The following BMP1 variants were observed in gnomAD, a reference collection of about 807,000 sequenced individuals.
The protein encoded by BMP1 is bone morphogenetic protein 1.
BMP1 carries 63 observed loss-of-function variants against 116.8 expected under a neutral mutation model. That is an observed-to-expected ratio of 0.54 (90% confidence interval 0.44 to 0.67). BMP1 has a LOEUF of 0.67. Among genes scored for constraint, BMP1 ranks in the 30% least tolerant of loss-of-function variants. The probability of loss-of-function intolerance (pLI) is 0.00; values close to 1 mark genes in which losing one functional copy is unlikely to be tolerated. For synonymous variants in BMP1, 536 were observed against 533.4 expected, an observed-to-expected ratio of 1.00 and a Z score of -0.07; for missense variants, 1,183 against 1,358.9, an observed-to-expected ratio of 0.87 and a Z score of 2.04.
chr8:22,199,436 C>A (rs762399025), intron 15 of BMP1: 47 of 1,227,664 alleles, frequency 3.8e-5, no homozygotes, highest in Non-Finnish European at 4.9e-5. Context: ...CTCCACCCCA[C>A]CCCCCTGCAA....
intron 8 of BMP1, among the ~76,000 whole-genome samples, chr8:22,191,675 A>C (rs1586457373): frequency 6.6e-6 from 1 of 151,978 alleles, no homozygotes; most frequent in African/African-American, 2.4e-5. Context: ...TCCTCTTGGG[A>C]CCCTTCGTCG....
intron 1 of BMP1, among the ~76,000 whole-genome samples, chr8:22,168,517 G>C (rs546762749): frequency 6.6e-6 from 1 of 152,264 alleles, no homozygotes; most frequent in South Asian, 2.1e-4. Context: ...GTGACCCTGT[G>C]CCAGTGAGGC....
At chr8:22,211,239 C>T (rs1829457665) in intron 19 of BMP1, among the ~76,000 whole-genome samples, 1 of 152,218 alleles carries the variant, frequency 6.6e-6, no homozygotes, top group Admixed American at 6.5e-5. Flanking sequence ...TCGGTGCAGT[C>T]CTTTGTTTTT....
rs748207328 is a variant in BMP1 at position 22,209,427 on chromosome 8, C to A, written c.2576-18C>A. 1 of 1,612,090 alleles carries A rather than the reference C, an allele frequency of 6.2e-7. No homozygotes were observed. Among genetic ancestry groups the A allele is most frequent in the East Asian group, 2.2e-5 (1 of 44,818 alleles). On this transcript the variant is annotated intron_variant, in intron 18 of 19. Transcript: ENST00000306385. ...CCTGCGGTGCTCAGGGCTGGTTGGC[C>A]CCTCTTGTCCCCTACAGAGTGCGGG...
In BMP1 at chr8:22,211,742, A is replaced by T; in HGVS notation, c.*14A>T. The T allele has an allele frequency of 1.9e-6, 3 of 1,614,104 alleles. No individual in the cohort carries two copies. The highest frequency in any genetic ancestry group is 1.6e-4 in the Middle Eastern group (1 of 6,062). On this transcript the variant is annotated 3_prime_UTR_variant, in exon 20 of 20. Coordinates refer to ENST00000306385, the MANE Select transcript of BMP1 (RefSeq NM_006129.5). ...AGCAGGAAGTGACCACTGCCTGAGC[A>T]GGGGCGGGGACTGGAGCCTGCTGCC...
At chr8:22,192,252 G>A (rs1244261970) in intron 9 of BMP1, 101 bp downstream of exon 9, 3 of 1,038,016 alleles carry the variant, frequency 2.9e-6, no homozygotes, top group South Asian at 2.8e-5. Context: ...CACTGGCCAG[G>A]GATGACAACC....
chr8:22,197,234 C>G lies in BMP1; in HGVS notation c.1927-6C>G, dbSNP rs762166050. ...GAGGCGGGCCTGGAGCTGGGCTTCC[C>G]TGCAGGTGTGCAAGTACGACTTCGT... On this transcript the variant is annotated splice_polypyrimidine_tract_variant and splice_region_variant and intron_variant, in intron 14 of 19. Coordinates refer to ENST00000306385, the MANE Select transcript of BMP1 (RefSeq NM_006129.5). 6.2e-7 allele frequency: 1 copy of G among 1,606,098 alleles called. No homozygotes were observed. Among genetic ancestry groups the G allele is most frequent in the Non-Finnish European group, 8.5e-7 (1 of 1,173,388 alleles).
chr8:22,170,343 G>A (rs1828241426), intron 1 of BMP1: 1 of 152,492 alleles, frequency 6.6e-6, no homozygotes. Flanking sequence ...GGGTTGTGTT[G>A]GGATAATATT....
chr8:22,191,397 T>A (rs556300142), intron 8 of BMP1, among the ~76,000 whole-genome samples: 1 of 152,258 alleles, frequency 6.6e-6, no homozygotes, highest in Non-Finnish European at 1.5e-5. Context: ...AGATCTGGTG[T>A]CCTTTCAGCA....
chr8:22,171,559 G>C (rs1828277644), intron 1 of BMP1: 2 of 152,248 alleles, frequency 1.3e-5, no homozygotes, highest in Non-Finnish European at 2.9e-5. Context: ...AACCGTGTGT[G>C]ACTGTGTGTG....
chr8:22,166,238 A>ACC (rs200007567), intron 1 of BMP1, among the ~76,000 whole-genome samples: 5 of 151,566 alleles, frequency 3.3e-5, no homozygotes, highest in African/African-American at 9.7e-5. Flanking sequence ...GTGCCCAGAG[A>ACC]CCCCCGCCAA....
intron 1 of BMP1, among the ~76,000 whole-genome samples, chr8:22,169,045 C>G (rs920861445): frequency 6.6e-6 from 1 of 151,942 alleles, no homozygotes; most frequent in Admixed American, 6.6e-5. Flanking sequence ...GTCATGCACC[C>G]GTAGTCCCAG....
At chr8:22,197,827 G>A (rs1200953731) in intron 15 of BMP1, among the ~76,000 whole-genome samples, 3 of 152,172 alleles carry the variant, frequency 2.0e-5, no homozygotes, top group Non-Finnish European at 2.9e-5. Context: ...CAGAGTCTCT[G>A]GCAGTGGCGG....
At chr8:22,208,137 G>T (rs1829398929) in intron 18 of BMP1, among the ~76,000 whole-genome samples, 1 of 152,188 alleles carries the variant, frequency 6.6e-6, no homozygotes, top group African/African-American at 2.4e-5. Context: ...GCCCGCCTTG[G>T]CCTCCCAAAG....
At chr8:22,176,410 C>A in intron 3 of BMP1, 97 bp downstream of exon 3, 1 of 1,544,800 alleles carries the variant, frequency 6.5e-7, no homozygotes, top group Non-Finnish European at 8.8e-7. Context: ...CCACCTGCAG[C>A]CCGAGTGCCC....
intron 9 of BMP1, chr8:22,192,469 G>A (rs1300339936): frequency 3.3e-5 from 8 of 244,838 alleles, no homozygotes; most frequent in Admixed American, 5.2e-5. Flanking sequence ...GCTGTTCTGC[G>A]CATCCCCATG....
At chr8:22,193,006 C>A (rs1828978877) in intron 9 of BMP1, among the ~76,000 whole-genome samples, 1 of 152,222 alleles carries the variant, frequency 6.6e-6, no homozygotes, top group Non-Finnish European at 1.5e-5. Context: ...GTCCTTACAA[C>A]ACTTCCTCTC....
At chr8:22,180,276 C>G in intron 7 of BMP1, 92 bp from the exon 8 acceptor site, 1 of 1,028,038 alleles carries the variant, frequency 9.7e-7, no homozygotes, top group South Asian at 1.3e-5. Context: ...TCTCCCCTCC[C>G]CCAGAGGATG....
At chr8:22,180,536 C>T (rs1828588954) in intron 8 of BMP1, 53 bp downstream of exon 8, 4 of 1,516,092 alleles carry the variant, frequency 2.6e-6, no homozygotes, top group Non-Finnish European at 3.6e-6. Context: ...GTCCCCATAC[C>T]TCAGGGACTT....
Sources: gnomAD v4.1 joint callset for allele counts (sites outside exome capture counted in the v4.1 genomes callset) on GRCh38, gnomAD v4.1.1 for gene constraint, MANE v1.5 for transcripts, NCBI Gene and HGNC (gene_info 2026-07-23, HGNC 2026-07-21) for gene names.